PDE9A: variants seen among roughly 807,000 people sequenced by gnomAD.
PDE9A encodes high affinity cGMP-specific 3',5'-cyclic phosphodiesterase 9A.
A neutral mutation model predicts 87.4 loss-of-function variants in PDE9A; 60 were observed. The ratio of observed to expected loss-of-function variants is 0.69; its 90% CI spans 0.56 to 0.85. The LOEUF (loss-of-function observed/expected upper bound fraction) is 0.85. Ranked by LOEUF, PDE9A falls within the 40% of genes least tolerant of loss-of-function variation. PDE9A has a pLI of 0.00. For missense variants in PDE9A, 665 were observed against 779.0 expected (o/e 0.85, Z 1.74); for synonymous variants, 272 against 279.4 (o/e 0.97, Z 0.27).
intron 1 of PDE9A, among the ~76,000 whole-genome samples, chr21:42,678,430 C>T (rs2058972125): frequency 6.6e-6 from 1 of 152,230 alleles, no homozygotes; most frequent in South Asian, 2.1e-4. Flanking sequence ...TGCCTGGCTC[C>T]TCCGCAGCCT....
At position 42,775,384 on chromosome 21, in the gene PDE9A, A is replaced by G; in HGVS notation, c.*91A>G. The G allele has an allele frequency of 9.7e-7, 1 of 1,027,258 alleles. No individual in the cohort carries two copies. The highest frequency in any genetic ancestry group is 1.4e-6 in the Non-Finnish European group (1 of 705,098). The allele number at this position is 1,027,258 out of a possible 1,614,324, so 63.6% of individuals were successfully genotyped here. ...GGAAGAGCTGCCCTGGGCACCTGGCACCACAAGACCATGTTTTCTAAGAAC... is the reference window on the plus strand; with the variant it reads ...GGAAGAGCTGCCCTGGGCACCTGGCGCCACAAGACCATGTTTTCTAAGAAC... On this transcript the variant is annotated 3_prime_UTR_variant, in exon 20 of 20. Transcript: ENST00000291539.
Position 42,710,421 on chromosome 21 carries a change from AAAAG to A in PDE9A, c.262+11418_262+11421del, listed in dbSNP as rs576785114. Reference sequence around the variant, plus strand: ...GAGACTCCATCTCAAAAAAAAAAAAAAAAGAAAGAAAAAAAGAAACTGCCAAGCT... The same window carrying A: ...GAGACTCCATCTCAAAAAAAAAAAAAAAAGAAAAAAAGAAACTGCCAAGCT... On this transcript the variant is annotated intron_variant, in intron 4 of 19. Transcript: ENST00000291539. Among the ~76,000 whole-genome samples, 18 of 150,938 alleles carry A rather than the reference AAAAG, an allele frequency of 1.2e-4. No individual in the cohort carries two copies. The South Asian group carries it at 1.9e-3, about 16-fold the overall frequency.
intron 18 of PDE9A, among the ~76,000 whole-genome samples, chr21:42,772,099 C>T (rs1353667995): frequency 6.6e-6 from 1 of 152,136 alleles, no homozygotes; most frequent in Non-Finnish European, 1.5e-5. Flanking sequence ...CTGCCTTCCC[C>T]CCTGTCAGCC....
At chr21:42,654,941 G>A (rs925668462) in intron 1 of PDE9A, among the ~76,000 whole-genome samples, 1 of 137,666 alleles carries the variant, frequency 7.3e-6, no homozygotes, top group Non-Finnish European at 1.5e-5. Flanking sequence ...TTTAATCAGT[G>A]CTGGGCAGCT....
At position 42,726,624 on chromosome 21, in the gene PDE9A, A is replaced by ATTTTTTTTTTTT. The variant is rs1197356167; in HGVS notation, c.263-5140_263-5129dup. 2.2e-3 allele frequency among the ~76,000 whole-genome samples: 43 copies of ATTTTTTTTTTTT among 19,780 alleles called. 1 individual carries two copies. The highest frequency in any genetic ancestry group is 4.1e-3 in the South Asian group (1 of 246). The allele number at this position is 19,780 out of a possible 152,430, so 13.0% of individuals were successfully genotyped here. ...TATATATATATATATATATATATAT[A>ATTTTTTTTTTTT]TTTTTTTTTTTTTTTTTGTAGAGAT... On this transcript the variant is annotated intron_variant, in intron 4 of 19. Transcript: ENST00000291539.
In PDE9A at chr21:42,686,194, A is replaced by G. The variant is rs1344125454; in HGVS notation, c.72A>G (p.Val24=). 9.3e-6 allele frequency: 15 copies of G among 1,613,438 alleles called. No homozygotes were observed. The highest frequency in any genetic ancestry group is 1.3e-5 in the Non-Finnish European group (15 of 1,179,402). The change falls in exon 2 of 20, where the codon GTA becomes GTG. Residue 24 remains valine (V), a splice_region_variant and synonymous_variant. Coordinates refer to ENST00000291539, the MANE Select transcript of PDE9A (RefSeq NM_002606.3). The part of the protein sequence containing the change: ...YLDIDGRIQK[V]IFSKYCNSSD... ...CTCACCGCGCTTCTGTTTTGCAGGT[A>G]ATCTTCAGCAAGTACTGCAACTCCA...
intron 8 of PDE9A, among the ~76,000 whole-genome samples, chr21:42,750,486 CTT>C (rs1210453296): frequency 7.9e-6 from 1 of 126,776 alleles, no homozygotes; most frequent in Non-Finnish European, 1.7e-5. Context: ...TTACTTTACT[CTT>C]GTGTTGTTTA....
chr21:42,670,475 TACACAC>T (rs1056802629), intron 1 of PDE9A, among the ~76,000 whole-genome samples: 1 of 149,238 alleles, frequency 6.7e-6, no homozygotes, highest in South Asian at 2.1e-4. Context: ...CACATAGACT[TACACAC>T]ATACACTTAC....
intron 4 of PDE9A, among the ~76,000 whole-genome samples, chr21:42,709,965 A>G (rs1027789239): frequency 6.6e-6 from 1 of 152,178 alleles, no homozygotes; most frequent in Admixed American, 6.5e-5. Context: ...CATTTGGGTC[A>G]TTTCCAGTTT....
At chr21:42,710,654 A>G (rs945583511) in intron 4 of PDE9A, among the ~76,000 whole-genome samples, 3 of 152,158 alleles carry the variant, frequency 2.0e-5, no homozygotes, top group African/African-American at 4.8e-5. Flanking sequence ...TGTCTTATTG[A>G]CTATTTGAAT....
At chr21:42,688,962 T>A (rs1035836830) in intron 3 of PDE9A, among the ~76,000 whole-genome samples, 1 of 147,754 alleles carries the variant, frequency 6.8e-6, no homozygotes, top group Non-Finnish European at 1.5e-5. Flanking sequence ...CCTCCCTCAG[T>A]GAGGTCTCAG....
intron 1 of PDE9A, among the ~76,000 whole-genome samples, chr21:42,666,967 C>T (rs530096661): frequency 4.9e-4 from 74 of 152,340 alleles, no homozygotes; most frequent in African/African-American, 1.7e-3. Flanking sequence ...GGTCCCGCGC[C>T]TGGTGACCGC....
At chr21:42,761,064 T>C (rs898962757) in intron 13 of PDE9A, among the ~76,000 whole-genome samples, 157 bp downstream of exon 13, 1 of 152,238 alleles carries the variant, frequency 6.6e-6, no homozygotes, top group Non-Finnish European at 1.5e-5. Context: ...TCCTGGCTTC[T>C]GGACTTTGCC....
Position 42,698,997 on chromosome 21 carries a change from T to A in PDE9A, c.248T>A (p.Ile83Asn), listed in dbSNP as rs780099702. 2 of 1,612,244 alleles carry A rather than the reference T, an allele frequency of 1.2e-6. No homozygotes were observed. The highest frequency in any genetic ancestry group is 1.1e-5 in the South Asian group (1 of 91,026). Reference protein sequence around the residue: ...RTPYKVRPVAIKQLSAGVEDK... With the variant: ...RTPYKVRPVANKQLSAGVEDK... Reference sequence around the variant, plus strand: ...CCGTACAAAGTGAGACCTGTGGCCATCAAGCAACTCTCCGGTAAGGCCCTG... The same window carrying A: ...CCGTACAAAGTGAGACCTGTGGCCAACAAGCAACTCTCCGGTAAGGCCCTG... The change falls in exon 4 of 20, where the codon ATC becomes AAC. Residue 83 changes from isoleucine to asparagine, a missense_variant. Ile to Asn is a moderately radical substitution (Grantham distance 149, BLOSUM62 -3). Transcript: ENST00000291539.
intron 7 of PDE9A, among the ~76,000 whole-genome samples, chr21:42,738,409 G>A (rs1346549269): frequency 1.3e-5 from 2 of 152,210 alleles, no homozygotes; most frequent in African/African-American, 2.4e-5. Context: ...CCAAAGGACT[G>A]GGCCTGCCAG....
rs200219783 is a variant in PDE9A, at chr21:42,687,944, C to T, written c.168C>T (p.Thr56=). The T allele has an allele frequency of 2.2e-5, 35 of 1,613,140 alleles. No homozygotes were observed. In the Admixed American group the frequency reaches 2.8e-4, roughly 13 times the overall value. ...PRNTTISLLT[T]DDAMVSIDPT... is the part of the protein sequence containing the mutation. The stretch of plus-strand genomic sequence containing the variant: ...ACACGACCATCTCCCTGCTGACCAC[C>T]GACGACGCCATGGTCTCCATCGACC... The change falls in exon 3 of 20, where the codon ACC becomes ACT. Residue 56 remains threonine, a synonymous_variant. Transcript: ENST00000291539.
rs745862598 is a variant in PDE9A, at chr21:42,765,451, A to T, written c.1313A>T (p.Lys438Ile). Residue 438 changes from lysine to isoleucine, a missense_variant, in exon 15 of 20, where the codon AAA becomes ATA. Coordinates refer to ENST00000291539, the MANE Select transcript of PDE9A (RefSeq NM_002606.3). ...GAAATTATGGATTCTTTCAAAGAGA[A>T]AATGGAGAATTTTGACTACAGCAAC... ...HAEIMDSFKE[K>I]MENFDYSNEE... is the part of the protein sequence containing the mutation. 5.5e-5 allele frequency: 89 copies of T among 1,612,788 alleles called. 1 individual carries two copies. The highest frequency in any genetic ancestry group is 4.5e-4 in the Admixed American group (27 of 60,012).
intron 1 of PDE9A, among the ~76,000 whole-genome samples, chr21:42,657,807 C>T (rs556282375): frequency 1.3e-4 from 20 of 152,346 alleles, no homozygotes; most frequent in Admixed American, 9.8e-4. Context: ...GCGGCCCCCT[C>T]GGGACACTCG....
At chr21:42,769,654 G>GCACA (rs1320437211) in intron 17 of PDE9A, among the ~76,000 whole-genome samples, 22 of 41,718 alleles carry the variant, frequency 5.3e-4, no homozygotes, top group African/African-American at 2.9e-3. Flanking sequence ...GGACACACAG[G>GCACA]CACACATAGG....
Sources: gnomAD v4.1 joint callset for allele counts (sites outside exome capture counted in the v4.1 genomes callset) on GRCh38, gnomAD v4.1.1 for gene constraint, MANE v1.5 for transcripts, NCBI Gene and HGNC (gene_info 2026-07-23, HGNC 2026-07-21) for gene names.